The following MYOM3 variants were observed in gnomAD, a reference collection of about 807,000 sequenced individuals.
MYOM3 encodes myomesin-3.
A neutral mutation model predicts 191.7 loss-of-function variants in MYOM3; 155 were observed. The ratio of observed to expected loss-of-function variants is 0.81; its 90% CI spans 0.71 to 0.92. The LOEUF is 0.92. Among genes scored for constraint, MYOM3 ranks in the 40% least tolerant of loss-of-function variants. MYOM3 has a pLI of 0.00. For missense variants in MYOM3, 1,889 were observed against 1,890.6 expected (o/e 1.00, Z 0.02); for synonymous variants, 757 against 762.9 (o/e 0.99, Z 0.13).
At position 24,080,243 on chromosome 1, in the gene MYOM3, C is replaced by G. The variant is rs773872778; in HGVS notation, c.2408-49G>C. 3 of 1,485,444 alleles carry G rather than the reference C, an allele frequency of 2.0e-6. No individual in the cohort carries two copies. The East Asian group carries it at 7.2e-5, about 36-fold the overall frequency. 92.0% of individuals were successfully genotyped at this position (1,485,444 alleles called of 1,614,324 possible). A position where few individuals can be genotyped will look rare whatever the true frequency, so the allele number is the denominator to read the frequency against. On this transcript the variant is annotated intron_variant, in intron 19 of 36. Transcript: ENST00000374434. ...GAGATGTGTGAGTTGGGCAGCCAGG[C>G]AGCCAGCCAGGTAAGCAGCAAGCCC...
At chr1:24,067,460 T>C (rs886401048) in intron 27 of MYOM3, among the ~76,000 whole-genome samples, 11 of 144,682 alleles carry the variant, frequency 7.6e-5, no homozygotes, top group African/African-American at 2.8e-4. Context: ...TCCTTCCTTC[T>C]TTCTTTCTTT....
At chr1:24,098,049 C>G (rs1017581477) in intron 6 of MYOM3, 38 bp from the exon 7 acceptor site, 6 of 1,361,604 alleles carry the variant, frequency 4.4e-6, no homozygotes, top group Non-Finnish European at 6.3e-6. Context: ...CCCAAGACTG[C>G]TGGGCTCCAT....
In MYOM3 at chr1:24,067,348, CTTTCTTTCTT is replaced by C. The variant is rs1251433727; in HGVS notation, c.3356-270_3356-261del. 2.1e-4 allele frequency among the ~76,000 whole-genome samples: 15 copies of C among 73,140 alleles called. 2 individuals carry two copies. The highest frequency in any genetic ancestry group is 6.3e-3 in the Middle Eastern group (1 of 160). The allele number at this position is 73,140 out of a possible 152,430, so 48.0% of individuals were successfully genotyped here. ...TCCTTCTTTCTTTCTTTCTTTCTTT[CTTTCTTTCTT>C]TCTTTCTTTCTTTCCTTCTTTCTTT... On this transcript the variant is annotated intron_variant, in intron 27 of 36. Transcript: ENST00000374434.
intron 27 of MYOM3, among the ~76,000 whole-genome samples, chr1:24,067,344 CTT>C (rs1643456180): frequency 1.3e-5 from 1 of 74,322 alleles, no homozygotes; most frequent in African/African-American, 5.2e-5. Flanking sequence ...TTCTTTCTTT[CTT>C]TCTTTCTTTC....
chr1:24,082,571 C>A lies in MYOM3; in HGVS notation c.2092+22G>T, dbSNP rs1261452337. 6 of 1,563,748 alleles carry A rather than the reference C, an allele frequency of 3.8e-6. No individual in the cohort carries two copies. In the South Asian group the frequency reaches 7.2e-5, roughly 19 times the overall value. ...TGCCCAGCCCAGGGAGGTTTGCAGG[C>A]TGGACCTGCCCTTGGACTCACCCAG... is the stretch of plus-strand genomic sequence containing the variant. On this transcript the variant is annotated intron_variant, in intron 17 of 36. Coordinates refer to ENST00000374434, the MANE Select transcript of MYOM3 (RefSeq NM_152372.4).
intron 2 of MYOM3, 101 bp downstream of exon 2, chr1:24,108,375 C>T: frequency 7.9e-7 from 1 of 1,258,762 alleles, no homozygotes; most frequent in South Asian, 1.6e-5. Flanking sequence ...TCCCTCCCCC[C>T]ATCAGGTTGG....
At chr1:24,104,945 C>T (rs1643969795) in intron 5 of MYOM3, among the ~76,000 whole-genome samples, 1 of 152,168 alleles carries the variant, frequency 6.6e-6, no homozygotes, top group Non-Finnish European at 1.5e-5. Context: ...GGGCAATGGG[C>T]CTTAGACCCA....
chr1:24,071,202 A>G lies in MYOM3; in HGVS notation c.3065T>C (p.Val1022Ala). Reference sequence around the variant, plus strand: ...CTTTTCTACTTCCAGCCAAAGCCGCACCTCCCCTCGCTCCAGGATGTCAAT... The same window carrying G: ...CTTTTCTACTTCCAGCCAAAGCCGCGCCTCCCCTCGCTCCAGGATGTCAAT... ...WNIDILERGE[V>A]RLWLEVEKLS... Residue 1022 changes from valine (V) to alanine (A), a missense_variant, in exon 25 of 37, where the codon GTG becomes GCG. By Grantham distance (64) the Val-to-Ala change is moderately conservative. Transcript: ENST00000374434. 1 of 1,613,368 alleles carries G rather than the reference A, an allele frequency of 6.2e-7. No homozygotes were observed. The highest frequency in any genetic ancestry group is 8.5e-7 in the Non-Finnish European group (1 of 1,179,778).
intron 21 of MYOM3, 25 bp from the exon 22 acceptor site, chr1:24,075,500 C>T: frequency 6.5e-7 from 1 of 1,536,354 alleles, no homozygotes; most frequent in South Asian, 1.3e-5. Context: ...CAACAGAGGG[C>T]AGCGGATGTT....
intron 15 of MYOM3, 33 bp downstream of exon 15, chr1:24,086,611 C>T (rs769851784): frequency 1.2e-6 from 2 of 1,601,782 alleles, no homozygotes; most frequent in Non-Finnish European, 1.7e-6. Context: ...GCCTGGCCTG[C>T]CTCCTCCCCG....
rs6678411 is a variant in MYOM3 at position 24,094,844 on chromosome 1, G to T, written c.928+9C>A. ...CTGGAGGCTGGGGGCCAGGACTGGG[G>T]GTCCTTACCATCTCGGAACCACTGG... On this transcript the variant is annotated intron_variant, in intron 9 of 36. Coordinates refer to ENST00000374434, the MANE Select transcript of MYOM3 (RefSeq NM_152372.4). 598,282 of 1,606,450 alleles carry T rather than the reference G, an allele frequency of 0.37. 118,363 individuals are homozygous for T. The highest frequency in any genetic ancestry group is 0.4 in the Non-Finnish European group (474,543 of 1,175,618).
chr1:24,058,456 A>C (rs1643329586), intron 36 of MYOM3, among the ~76,000 whole-genome samples: 1 of 152,190 alleles, frequency 6.6e-6, no homozygotes, highest in Non-Finnish European at 1.5e-5. Flanking sequence ...CCTCAGCTAT[A>C]AACTATGATT....
intron 2 of MYOM3, 62 bp downstream of exon 2, chr1:24,108,414 C>T: frequency 6.9e-7 from 1 of 1,439,276 alleles, no homozygotes; most frequent in Non-Finnish European, 9.2e-7. Flanking sequence ...CTGGGCCTCC[C>T]TCCTCAGACT....
At position 24,108,466 on chromosome 1, in the gene MYOM3, T is replaced by TGGC. The variant is rs1557620008; in HGVS notation, c.161+7_161+9dup. On this transcript the variant is annotated intron_variant, in intron 2 of 36. Coordinates refer to ENST00000374434, the MANE Select transcript of MYOM3 (RefSeq NM_152372.4). ...GGGCAGTGGCTGGGCGGGGACCCTG[T>TGGC]GGCTCCCACCTGCTGCGGAAGGTCC... The TGGC allele has an allele frequency of 6.5e-7, 1 of 1,545,752 alleles. No individual in the cohort carries two copies. Among genetic ancestry groups the TGGC allele is most frequent in the Non-Finnish European group, 8.7e-7 (1 of 1,144,140 alleles).
At chr1:24,106,982 G>T in intron 4 of MYOM3, 91 bp downstream of exon 4, 1 of 1,324,192 alleles carries the variant, frequency 7.6e-7, no homozygotes, top group Non-Finnish European at 1.0e-6. Flanking sequence ...CTCTGCCCTG[G>T]ATGTCCCGCC....
chr1:24,100,647 G>A (rs982766633), intron 5 of MYOM3, among the ~76,000 whole-genome samples: 5 of 152,228 alleles, frequency 3.3e-5, no homozygotes, highest in Admixed American at 6.5e-5. Flanking sequence ...AGCACTTTGG[G>A]AGGCTGAGGC....
At chr1:24,079,269 G>A (rs566273056) in intron 20 of MYOM3, among the ~76,000 whole-genome samples, 2 of 152,004 alleles carry the variant, frequency 1.3e-5, no homozygotes, top group Non-Finnish European at 2.9e-5. Flanking sequence ...GTACGATCAC[G>A]GCTCCCTGCA....
intron 2 of MYOM3, 179 bp from the exon 3 acceptor site, chr1:24,108,252 C>T: frequency 1.3e-6 from 1 of 749,242 alleles, no homozygotes; most frequent in Admixed American, 2.9e-5. Flanking sequence ...ATGTGCTTCC[C>T]TCCTCAAACA....
chr1:24,089,017 T>C (rs1643780117), intron 14 of MYOM3, among the ~76,000 whole-genome samples: 1 of 152,156 alleles, frequency 6.6e-6, no homozygotes, highest in Non-Finnish European at 1.5e-5. Context: ...CCCCCTCCAC[T>C]GTGAAGTTCA....
Sources: allele counts gnomAD v4.1 joint callset (sites outside exome capture counted in the v4.1 genomes callset), GRCh38; gene constraint gnomAD v4.1.1; transcripts MANE v1.5; gene names NCBI Gene and HGNC (gene_info 2026-07-23, HGNC 2026-07-21).